Variants in PTPRD observed in about 807,000 individuals in gnomAD.
PTPRD encodes protein tyrosine phosphatase receptor type D.
Under a neutral mutation model 214.5 loss-of-function variants are expected in PTPRD, and 34 were observed. The observed-to-expected ratio is 0.16, with a 90% CI of 0.12 to 0.21. The LOEUF is 0.21. PTPRD is among the 10% of genes least tolerant of loss of function. The pLI is 1.00. For missense variants in PTPRD, 2,545 were observed against 2,398.7 expected (o/e 1.06, Z -1.27); for synonymous variants, 1,128 against 845.7 (o/e 1.33, Z -5.79).
intron 3 of PTPRD, among the ~76,000 whole-genome samples, chr9:10,053,541 C>A (rs2097570549): frequency 1.3e-5 from 2 of 152,062 alleles, no homozygotes; most frequent in Non-Finnish European, 2.9e-5. Context: ...TATTCCTATA[C>A]CTACTATAGA....
chr9:9,921,357 T>G (rs1488426475), intron 5 of PTPRD, among the ~76,000 whole-genome samples: 2 of 152,110 alleles, frequency 1.3e-5, no homozygotes, highest in East Asian at 3.8e-4. Flanking sequence ...GGTTATATAA[T>G]ATTAATTAAG....
chr9:9,168,471 T>C (rs2099908282), intron 10 of PTPRD, among the ~76,000 whole-genome samples: 1 of 152,180 alleles, frequency 6.6e-6, no homozygotes, highest in East Asian at 1.9e-4. Flanking sequence ...CTTTTTGAAA[T>C]ACAATGGCAT....
intron 11 of PTPRD, among the ~76,000 whole-genome samples, chr9:8,879,702 T>C (rs2098425630): frequency 6.6e-6 from 1 of 152,238 alleles, no homozygotes; most frequent in African/African-American, 2.4e-5. Flanking sequence ...TTAGCGTTCC[T>C]GCTAACTGCT....
At chr9:8,578,815 T>A (rs1439288485) in intron 14 of PTPRD, among the ~76,000 whole-genome samples, 2 of 152,210 alleles carry the variant, frequency 1.3e-5, no homozygotes, top group Non-Finnish European at 2.9e-5. Context: ...CTTCTTTGCT[T>A]ACCATTTTGA....
intron 3 of PTPRD, among the ~76,000 whole-genome samples, chr9:10,284,545 A>G (rs1318179985): frequency 2.6e-5 from 4 of 152,218 alleles, no homozygotes; most frequent in Non-Finnish European, 4.4e-5. Flanking sequence ...AAATTACTAC[A>G]AACTTAGCAG....
chr9:8,935,051 C>A (rs1260944077), intron 11 of PTPRD, among the ~76,000 whole-genome samples: 1 of 151,972 alleles, frequency 6.6e-6, no homozygotes, highest in Non-Finnish European at 1.5e-5. Context: ...ATCACATTTT[C>A]TTTATCCATT....
At chr9:9,082,420 C>T (rs932658453) in intron 10 of PTPRD, among the ~76,000 whole-genome samples, 7 of 152,116 alleles carry the variant, frequency 4.6e-5, no homozygotes, top group African/African-American at 1.7e-4. Flanking sequence ...ATGCTAAAAA[C>T]TCTCAATAAA....
At chr9:9,869,296 G>A (rs955876554) in intron 5 of PTPRD, among the ~76,000 whole-genome samples, 1 of 152,106 alleles carries the variant, frequency 6.6e-6, no homozygotes, top group Non-Finnish European at 1.5e-5. Context: ...AAGAAATGTT[G>A]CATTTAGAAA....
Position 9,899,269 on chromosome 9 carries a change from T to C in PTPRD, c.-368+39238A>G, listed in dbSNP as rs79268375. Among the ~76,000 whole-genome samples the C allele has an allele frequency of 5.3e-3, 806 of 151,984 alleles. 13 individuals carry two copies. Among genetic ancestry groups the C allele is most frequent in the African/African-American group, 0.018 (768 of 41,514 alleles). On this transcript the variant is annotated intron_variant, in intron 5 of 45. Coordinates refer to ENST00000381196, the MANE Select transcript of PTPRD (RefSeq NM_002839.4). ...TAATGGAGAGTGTGAAGAGAGACTA[T>C]GAAATGGGAAAAAAGTACTGTACTT...
intron 3 of PTPRD, among the ~76,000 whole-genome samples, chr9:10,314,604 G>A (rs1274467756): frequency 6.6e-6 from 1 of 151,862 alleles, no homozygotes; most frequent in East Asian, 1.9e-4. Context: ...ATACATATTT[G>A]ATAGTAGTTT....
At chr9:9,920,423 T>A (rs1047693090) in intron 5 of PTPRD, among the ~76,000 whole-genome samples, 1 of 152,154 alleles carries the variant, frequency 6.6e-6, no homozygotes, top group Non-Finnish European at 1.5e-5. Context: ...TTCTCACTGA[T>A]GTTGAAAAAC....
chr9:8,991,677 A>G (rs1265604039), intron 11 of PTPRD, among the ~76,000 whole-genome samples: 1 of 152,152 alleles, frequency 6.6e-6, no homozygotes, highest in East Asian at 1.9e-4. Flanking sequence ...TGAGTAACAC[A>G]TTAGTTCTGT....
intron 10 of PTPRD, among the ~76,000 whole-genome samples, chr9:9,085,469 TTA>T (rs2099765704): frequency 6.6e-6 from 1 of 152,202 alleles, no homozygotes; most frequent in South Asian, 2.1e-4. Flanking sequence ...TTTTTGACCC[TTA>T]GGGTGAAAAT....
At chr9:10,585,554 T>C (rs2073612996) in intron 2 of PTPRD, among the ~76,000 whole-genome samples, 1 of 152,126 alleles carries the variant, frequency 6.6e-6, no homozygotes, top group African/African-American at 2.4e-5. Context: ...TCTCACATCA[T>C]GCCATGTTAT....
chr9:9,690,553 C>T (rs1022779479), intron 7 of PTPRD, among the ~76,000 whole-genome samples: 1 of 151,838 alleles, frequency 6.6e-6, no homozygotes, highest in African/African-American at 2.4e-5. Flanking sequence ...TTGCCCAGAG[C>T]AATATCCTAT....
intron 2 of PTPRD, among the ~76,000 whole-genome samples, chr9:10,414,415 T>C (rs2098467748): frequency 6.6e-6 from 1 of 151,824 alleles, no homozygotes; most frequent in Non-Finnish European, 1.5e-5. Flanking sequence ...TCAGAATTGC[T>C]ATTATTAAAA....
intron 2 of PTPRD, among the ~76,000 whole-genome samples, chr9:10,542,499 G>A (rs753651719): frequency 6.6e-6 from 1 of 151,992 alleles, no homozygotes; most frequent in Non-Finnish European, 1.5e-5. Context: ...TTAAAAACAT[G>A]CTCATATCTG....
chr9:9,614,525 C>T (rs901527374), intron 7 of PTPRD, among the ~76,000 whole-genome samples: 3 of 152,136 alleles, frequency 2.0e-5, no homozygotes, highest in Admixed American at 1.3e-4. Context: ...CAGAAGTTAT[C>T]ATGGTCTATT....
chr9:10,332,111 A>G (rs2096761983), intron 3 of PTPRD, among the ~76,000 whole-genome samples: 1 of 151,888 alleles, frequency 6.6e-6, no homozygotes, highest in Non-Finnish European at 1.5e-5. Flanking sequence ...TCATATACTG[A>G]TGGATGCATT....
Sources: allele counts gnomAD v4.1 joint callset (sites outside exome capture counted in the v4.1 genomes callset), GRCh38; gene constraint gnomAD v4.1.1; transcripts MANE v1.5; gene names NCBI Gene and HGNC (gene_info 2026-07-23, HGNC 2026-07-21).